PACRG: variants seen among roughly 807,000 people sequenced by gnomAD.
PACRG encodes the protein parkin coregulated gene protein.
Under a neutral mutation model 29.7 loss-of-function variants are expected in PACRG, and 29 were observed. The ratio of observed to expected loss-of-function variants is 0.98; its 90% CI spans 0.73 to 1.33. PACRG has a LOEUF of 1.33. Among genes scored for constraint, PACRG ranks in the 40% most tolerant of loss-of-function variants. The pLI is 0.00. For missense variants in PACRG, 279 were observed against 316.2 expected (o/e 0.88, Z 0.89); for synonymous variants, 116 against 118.7 (o/e 0.98, Z 0.15).
At chr6:163,201,085 A>G (rs9458747) in intron 4 of PACRG, among the ~76,000 whole-genome samples, 10,603 of 152,278 alleles carry the variant, frequency 0.07, 421 homozygotes, top group East Asian at 0.11. Context: ...GATGTTTATT[A>G]TTTCTTAACT....
At chr6:163,186,268 G>A (rs1336177205) in intron 4 of PACRG, among the ~76,000 whole-genome samples, 2 of 152,118 alleles carry the variant, frequency 1.3e-5, no homozygotes. Context: ...AGCTGCACAC[G>A]CCTGGAGAGC....
intron 2 of PACRG, among the ~76,000 whole-genome samples, chr6:162,832,560 T>G (rs935345508): frequency 6.6e-6 from 1 of 152,166 alleles, no homozygotes; most frequent in East Asian, 1.9e-4. Flanking sequence ...ATTTACAAAT[T>G]CTAAACAACT....
chr6:162,941,354 T>A (rs778997456), intron 2 of PACRG, among the ~76,000 whole-genome samples: 34 of 152,200 alleles, frequency 2.2e-4, no homozygotes, highest in Non-Finnish European at 4.6e-4. Flanking sequence ...TGACGTTCCC[T>A]TCCACGTGTG....
chr6:162,939,800 T>A (rs763495349), intron 2 of PACRG, among the ~76,000 whole-genome samples: 5 of 152,172 alleles, frequency 3.3e-5, no homozygotes, highest in Non-Finnish European at 5.9e-5. Flanking sequence ...TTACTTCGAT[T>A]TAAGCAATAT....
intron 2 of PACRG, among the ~76,000 whole-genome samples, chr6:162,921,515 T>C (rs999467): frequency 0.68 from 103,681 of 151,942 alleles, 36,133 homozygotes; most frequent in Middle Eastern, 0.84. Context: ...ATCAAAATTA[T>C]CCAGGGAACT....
chr6:162,751,979 G>C (rs1299572119), intron 1 of PACRG, among the ~76,000 whole-genome samples: 1 of 152,100 alleles, frequency 6.6e-6, no homozygotes, highest in Non-Finnish European at 1.5e-5. Context: ...TTTTTACATG[G>C]AATGAAATTA....
At chr6:163,077,382 G>A (rs1033318370) in intron 3 of PACRG, among the ~76,000 whole-genome samples, 3 of 152,114 alleles carry the variant, frequency 2.0e-5, no homozygotes, top group Non-Finnish European at 4.4e-5. Context: ...GCTCTAACGA[G>A]GTGAGGTCAT....
intron 2 of PACRG, among the ~76,000 whole-genome samples, chr6:162,858,576 CAT>C (rs1448061635): frequency 1.3e-5 from 2 of 152,152 alleles, no homozygotes; most frequent in African/African-American, 4.8e-5. Context: ...AAGAGAAAAA[CAT>C]CACATTTATT....
At chr6:162,908,771 A>C (rs755538722) in intron 2 of PACRG, among the ~76,000 whole-genome samples, 7 of 152,206 alleles carry the variant, frequency 4.6e-5, no homozygotes, top group Non-Finnish European at 7.3e-5. Context: ...TCAGGGGCCC[A>C]CTGCTTGGCT....
At chr6:163,101,169 A>C in intron 4 of PACRG, 2 of 984,686 alleles carry the variant, frequency 2.0e-6, no homozygotes, top group Non-Finnish European at 2.4e-6. Flanking sequence ...CCCCCCAAAA[A>C]ACCCTACATT....
intron 4 of PACRG, among the ~76,000 whole-genome samples, 154 bp from the exon 5 acceptor site, chr6:163,314,673 G>A (rs1322574374): frequency 6.6e-6 from 1 of 152,136 alleles, no homozygotes; most frequent in Non-Finnish European, 1.5e-5. Context: ...TTTTTGTACA[G>A]TTGCCACTGC....
chr6:162,727,194 T>G (rs767155239), upstream of PACRG: 78 of 159,100 alleles, frequency 4.9e-4, no homozygotes, highest in Non-Finnish European at 9.6e-4. Flanking sequence ...CCATTAGAGT[T>G]TAATGCTTTG....
chr6:162,970,344 G>A (rs1037029875), intron 2 of PACRG, among the ~76,000 whole-genome samples: 14 of 152,230 alleles, frequency 9.2e-5, no homozygotes, highest in African/African-American at 1.4e-4. Context: ...CATCGATTTC[G>A]GAGCTGCTGT....
chr6:162,951,090 T>A (rs557657804), intron 2 of PACRG, among the ~76,000 whole-genome samples: 2 of 152,314 alleles, frequency 1.3e-5, no homozygotes, highest in Admixed American at 1.3e-4. Flanking sequence ...AAGTTGGGTA[T>A]TATTTGTTTC....
intron 1 of PACRG, among the ~76,000 whole-genome samples, chr6:162,755,792 G>A (rs1455956842): frequency 1.3e-5 from 2 of 152,032 alleles, no homozygotes; most frequent in Non-Finnish European, 2.9e-5. Flanking sequence ...TTTCGGGACT[G>A]CTTTTGCTTC....
At chr6:163,157,274 T>C (rs968994901) in intron 4 of PACRG, among the ~76,000 whole-genome samples, 2 of 152,216 alleles carry the variant, frequency 1.3e-5, no homozygotes, top group Non-Finnish European at 2.9e-5. Flanking sequence ...CCTCTGTGTC[T>C]ACTAGTTCTG....
intron 4 of PACRG, among the ~76,000 whole-genome samples, chr6:163,162,945 G>A (rs1380377979): frequency 6.6e-6 from 1 of 152,156 alleles, no homozygotes; most frequent in East Asian, 1.9e-4. Context: ...CCAGGGAGGT[G>A]GAGCTGCTGT....
chr6:163,262,658 A>G (rs1359752288), intron 4 of PACRG, among the ~76,000 whole-genome samples: 1 of 151,936 alleles, frequency 6.6e-6, no homozygotes, highest in African/African-American at 2.4e-5. Context: ...TAATTTCACT[A>G]CAGACTTGCC....
chr6:162,842,428 T>G (rs1789875566), intron 2 of PACRG, among the ~76,000 whole-genome samples: 1 of 151,830 alleles, frequency 6.6e-6, no homozygotes, highest in Admixed American at 6.6e-5. Context: ...CCCCTGCCTT[T>G]TTTTGTTTTC....
Sources: gnomAD v4.1 joint callset for allele counts (sites outside exome capture counted in the v4.1 genomes callset) on GRCh38, gnomAD v4.1.1 for gene constraint, MANE v1.5 for transcripts, NCBI Gene and HGNC (gene_info 2026-07-23, HGNC 2026-07-21) for gene names.